SLC4A5: variants seen among roughly 807,000 people sequenced by gnomAD.
SLC4A5 encodes the protein solute carrier family 4 member 5.
Under a neutral mutation model 120.4 loss-of-function variants are expected in SLC4A5, and 96 were observed. That is an observed-to-expected ratio of 0.80 (90% confidence interval 0.68 to 0.94). SLC4A5 has a LOEUF of 0.94. Among genes scored for constraint, SLC4A5 ranks in the 40% least tolerant of loss-of-function variants. SLC4A5 has a pLI of 0.00. For missense variants in SLC4A5, 1,259 were observed against 1,459.5 expected (o/e 0.86, Z 2.24); for synonymous variants, 550 against 571.1 (o/e 0.96, Z 0.53).
At chr2:74,254,498 G>A in intron 14 of SLC4A5, 121 bp downstream of exon 14, 2 of 748,882 alleles carry the variant, frequency 2.7e-6, no homozygotes, top group Admixed American at 3.9e-5. Context: ...AGCATCCTAT[G>A]TAGTGCCTGG....
At chr2:74,296,136 T>G (rs1205225723) in intron 7 of SLC4A5, among the ~76,000 whole-genome samples, 1 of 152,222 alleles carries the variant, frequency 6.6e-6, no homozygotes, top group Admixed American at 6.5e-5. Context: ...TTGAGTTTTG[T>G]TTTTGTTTTT....
At chr2:74,264,059 C>T in intron 10 of SLC4A5, 88 bp downstream of exon 10, 1 of 1,487,558 alleles carries the variant, frequency 6.7e-7, no homozygotes, top group Non-Finnish European at 9.0e-7. Context: ...TCCAGAAACT[C>T]CCAGCCCCTA....
chr2:74,227,669 T>C (rs1694895550), intron 26 of SLC4A5, 141 bp downstream of exon 26: 1 of 1,135,908 alleles, frequency 8.8e-7, no homozygotes, highest in East Asian at 2.6e-5. Flanking sequence ...TAAGTGGTAG[T>C]ATCATTATTA....
intron 8 of SLC4A5, among the ~76,000 whole-genome samples, chr2:74,281,639 T>C (rs959177037): frequency 3.3e-5 from 5 of 152,160 alleles, no homozygotes; most frequent in African/African-American, 1.2e-4. Flanking sequence ...ATTATGTGCA[T>C]GGTGCTAGGC....
At chr2:74,252,371 A>G (rs766431224) in exon 16 of SLC4A5, 2 of 1,613,360 alleles carry the variant, frequency 1.2e-6, no homozygotes, top group Non-Finnish European at 1.7e-6. Context: ...CAGCTCTGCT[A>G]GGGAGAACAC....
At chr2:74,249,761 T>C (rs376857771) in intron 17 of SLC4A5, among the ~76,000 whole-genome samples, 2 of 152,174 alleles carry the variant, frequency 1.3e-5, no homozygotes, top group East Asian at 3.9e-4. Context: ...GGGGCAGCCA[T>C]GTGGACATGC....
At chr2:74,224,966 A>G (rs981963102) in exon 28 of SLC4A5, 1 of 1,613,998 alleles carries the variant, frequency 6.2e-7, no homozygotes, top group Non-Finnish European at 8.5e-7. Context: ...TGAAATCCAG[A>G]AGCCTTCGAA....
exon 31 of SLC4A5, chr2:74,216,477 CAT>C (rs1182393334): frequency 1.3e-5 from 2 of 152,198 alleles, no homozygotes; most frequent in African/African-American, 4.8e-5. Context: ...CTCTTGAATC[CAT>C]AGCATTTCTA....
chr2:74,300,592 G>A (rs1672450473), intron 7 of SLC4A5, among the ~76,000 whole-genome samples: 1 of 152,144 alleles, frequency 6.6e-6, no homozygotes, highest in Non-Finnish European at 1.5e-5. Context: ...ACCTGCTCCA[G>A]GAAGCCTGTG....
chr2:74,231,247 G>C (rs1323233833), exon 25 of SLC4A5: 1 of 1,611,494 alleles, frequency 6.2e-7, no homozygotes, highest in Non-Finnish European at 8.5e-7. Context: ...TTTAGGATGG[G>C]AGCCAGGAAG....
intron 5 of SLC4A5, among the ~76,000 whole-genome samples, chr2:74,327,288 T>C (rs1277388179): frequency 2.0e-5 from 3 of 152,204 alleles, no homozygotes; most frequent in Non-Finnish European, 4.4e-5. Flanking sequence ...CTAAGAACTC[T>C]AGACCAGCCA....
At chr2:74,239,032 T>A (rs908400198) in intron 21 of SLC4A5, among the ~76,000 whole-genome samples, 1 of 152,224 alleles carries the variant, frequency 6.6e-6, no homozygotes, top group Admixed American at 6.5e-5. Flanking sequence ...CAATTGGGCA[T>A]GTGGCCAATA....
At chr2:74,301,483 C>G (rs1672474854) in intron 7 of SLC4A5, among the ~76,000 whole-genome samples, 1 of 152,212 alleles carries the variant, frequency 6.6e-6, no homozygotes, top group South Asian at 2.1e-4. Context: ...GCTATGCAGC[C>G]AGACCAGCTG....
chr2:74,244,361 C>T (rs921852064), intron 19 of SLC4A5, among the ~76,000 whole-genome samples: 1 of 151,932 alleles, frequency 6.6e-6, no homozygotes, highest in Non-Finnish European at 1.5e-5. Flanking sequence ...AGAGTTCTTT[C>T]GCTTGTTTGT....
chr2:74,313,442 G>T (rs1386427385), intron 6 of SLC4A5, among the ~76,000 whole-genome samples: 1 of 152,164 alleles, frequency 6.6e-6, no homozygotes, highest in Non-Finnish European at 1.5e-5. Context: ...TGTTTTATGA[G>T]TCTACTCTGG....
chr2:74,235,507 T>C (rs540860748), intron 21 of SLC4A5, among the ~76,000 whole-genome samples: 1 of 152,312 alleles, frequency 6.6e-6, no homozygotes, highest in South Asian at 2.1e-4. Context: ...TGGTGGTCAA[T>C]GTGGGATCTG....
chr2:74,242,691 T>C (rs1670485975), intron 19 of SLC4A5, among the ~76,000 whole-genome samples: 1 of 152,128 alleles, frequency 6.6e-6, no homozygotes, highest in Admixed American at 6.6e-5. Context: ...CCTCTTTTTT[T>C]GCCCAGGCTG....
intron 8 of SLC4A5, among the ~76,000 whole-genome samples, chr2:74,269,305 C>T (rs892946114): frequency 6.6e-6 from 1 of 152,062 alleles, no homozygotes; most frequent in Non-Finnish European, 1.5e-5. Context: ...CTCCGTGGTT[C>T]AAGTGATCTC....
At chr2:74,301,216 TATACATTTAGTTAAAAATG>T (rs1387224150) in intron 7 of SLC4A5, among the ~76,000 whole-genome samples, 1 of 152,244 alleles carries the variant, frequency 6.6e-6, no homozygotes, top group Non-Finnish European at 1.5e-5. Flanking sequence ...TTATTAATAT[TATACATTTAGTTAAAAATG>T]ATATTGAACT....
Sources: allele counts gnomAD v4.1 joint callset (sites outside exome capture counted in the v4.1 genomes callset), GRCh38; gene constraint gnomAD v4.1.1; transcripts MANE v1.5; gene names NCBI Gene and HGNC (gene_info 2026-07-23, HGNC 2026-07-21).